The following DOCK9 variants were observed in gnomAD, a reference collection of about 807,000 sequenced individuals.
The protein encoded by DOCK9 is dedicator of cytokinesis protein 9.
Under a neutral mutation model 263.3 loss-of-function variants are expected in DOCK9, and 89 were observed. That is an observed-to-expected ratio of 0.34 (90% confidence interval 0.28 to 0.40). The LOEUF (loss-of-function observed/expected upper bound fraction) is 0.40, where lower values mean the gene tolerates loss of function less well. Ranked by LOEUF, DOCK9 falls within the 10% of genes least tolerant of loss-of-function variation. The pLI is 1.00. For missense variants in DOCK9, 2,140 were observed against 2,603.4 expected, an observed-to-expected ratio of 0.82 and a Z score of 3.87; for synonymous variants, 976 against 973.1, an observed-to-expected ratio of 1.00 and a Z score of -0.06.
intron 9 of DOCK9, among the ~76,000 whole-genome samples, chr13:98,909,093 T>C (rs1437191288): frequency 1.4e-4 from 22 of 152,296 alleles, no homozygotes; most frequent in South Asian, 4.2e-4. Context: ...CAAAGCCCAC[T>C]GACTACTCTG....
intron 1 of DOCK9, among the ~76,000 whole-genome samples, chr13:98,959,020 G>A (rs1447242581): frequency 6.6e-6 from 1 of 152,212 alleles, no homozygotes; most frequent in Non-Finnish European, 1.5e-5. Flanking sequence ...GTGTGACAAA[G>A]TGTAACTTTC....
intron 1 of DOCK9, among the ~76,000 whole-genome samples, chr13:99,067,188 C>T (rs1020797754): frequency 2.0e-5 from 3 of 152,196 alleles, no homozygotes; most frequent in Non-Finnish European, 4.4e-5. Flanking sequence ...AGATTCCATG[C>T]TCCTTGAGGA....
At chr13:99,079,040 A>C (rs1433876893) in intron 1 of DOCK9, among the ~76,000 whole-genome samples, 2 of 152,250 alleles carry the variant, frequency 1.3e-5, no homozygotes, top group Non-Finnish European at 2.9e-5. Context: ...AAAGAAAAAT[A>C]ATTTTATGAC....
rs1595997287 is a variant in DOCK9 at position 99,055,302 on chromosome 13, G to A, written c.129+30921C>T. Reference sequence around the variant, plus strand: ...GTCCCATTGGAGATTAGCACTAAAGGAACTTTCTACAAACTTTCAAAAACA... The same window carrying A: ...GTCCCATTGGAGATTAGCACTAAAGAAACTTTCTACAAACTTTCAAAAACA... On this transcript the variant is annotated intron_variant, in intron 1 of 32. Transcript: ENST00000427887. Among the ~76,000 whole-genome samples, 3 of 152,138 alleles carry A rather than the reference G, an allele frequency of 2.0e-5. No homozygotes were observed. The East Asian group carries it at 5.8e-4, about 29-fold the overall frequency.
chr13:99,070,483 G>A (rs970410890), intron 1 of DOCK9, among the ~76,000 whole-genome samples: 3 of 151,948 alleles, frequency 2.0e-5, no homozygotes, highest in Non-Finnish European at 2.9e-5. Flanking sequence ...TAATTTTCCT[G>A]TGTTATAAAT....
At chr13:99,021,666 A>G (rs1254984701) in intron 1 of DOCK9, among the ~76,000 whole-genome samples, 1 of 149,442 alleles carries the variant, frequency 6.7e-6, no homozygotes, top group Admixed American at 6.6e-5. Flanking sequence ...AAAGAGGGAA[A>G]TGGGGATGTT....
At chr13:98,906,353 G>A (rs568131002) in intron 9 of DOCK9, among the ~76,000 whole-genome samples, 1 of 152,238 alleles carries the variant, frequency 6.6e-6, no homozygotes, top group East Asian at 1.9e-4. Context: ...GATGAGGGCT[G>A]GAGATGAAGG....
In DOCK9 at chr13:98,881,623, T is replaced by C; in HGVS notation, c.2680A>G (p.Ile894Val). 1 of 1,607,996 alleles carries C rather than the reference T, an allele frequency of 6.2e-7. No individual in the cohort carries two copies. The highest frequency in any genetic ancestry group is 8.5e-7 in the Non-Finnish European group (1 of 1,177,276). Residue 894 changes from isoleucine (I) to valine (V), a missense_variant, in exon 25 of 53, where the codon ATT becomes GTT. Ile to Val is a conservative substitution (Grantham distance 29, BLOSUM62 3). Around this residue, in one of 2 missense-constraint regions of DOCK9, gnomAD observed 1,521 missense variants for 1,741.7 expected, o/e 0.87. Coordinates refer to ENST00000682017, the MANE Select transcript of DOCK9 (RefSeq NM_001366683.2). ...EEVAVNVTRV[I>V]IHVVAQCHEE... ...TGGCACTGGGCAACCACATGAATAATGACCCTACACACCACAGGAGTGAAT... is the reference window on the plus strand; with the variant it reads ...TGGCACTGGGCAACCACATGAATAACGACCCTACACACCACAGGAGTGAAT...
At chr13:98,970,719 T>C (rs1356303751) in intron 1 of DOCK9, among the ~76,000 whole-genome samples, 2 of 152,212 alleles carry the variant, frequency 1.3e-5, no homozygotes, top group Non-Finnish European at 2.9e-5. Flanking sequence ...AGCACTAGTA[T>C]ATCACATTAC....
intron 1 of DOCK9, among the ~76,000 whole-genome samples, chr13:99,013,357 C>T (rs1371864884): frequency 6.6e-6 from 1 of 152,164 alleles, no homozygotes; most frequent in Non-Finnish European, 1.5e-5. Flanking sequence ...TCAAGCAATC[C>T]TCCTGCCTTG....
At chr13:99,058,632 G>A (rs571368045) in intron 1 of DOCK9, among the ~76,000 whole-genome samples, 3 of 152,024 alleles carry the variant, frequency 2.0e-5, no homozygotes, top group Non-Finnish European at 4.4e-5. Context: ...ATTTACCAAG[G>A]GTTCCCCCCA....
chr13:98,949,010 TA>T (rs1384970853), intron 2 of DOCK9, among the ~76,000 whole-genome samples: 1 of 152,218 alleles, frequency 6.6e-6, no homozygotes. Flanking sequence ...CTGATCTCAA[TA>T]GGGGTGAACA....
At chr13:98,851,111 G>A (rs1443039570) in intron 35 of DOCK9, among the ~76,000 whole-genome samples, 1 of 152,182 alleles carries the variant, frequency 6.6e-6, no homozygotes, top group Non-Finnish European at 1.5e-5. Context: ...TGTACTACGT[G>A]CTCTCACAAT....
At chr13:98,949,888 T>G (rs147073577) in intron 2 of DOCK9, 1 of 482,770 alleles carries the variant, frequency 2.1e-6, no homozygotes, top group Non-Finnish European at 4.1e-6. Context: ...ATTTCATGTA[T>G]GAGGTCTCCC....
intron 30 of DOCK9, among the ~76,000 whole-genome samples, chr13:98,866,346 C>T (rs544096829): frequency 1.4e-4 from 22 of 152,238 alleles, no homozygotes; most frequent in African/African-American, 4.8e-4. Flanking sequence ...GCATGAATGC[C>T]AACTCCAGGG....
intron 1 of DOCK9, among the ~76,000 whole-genome samples, chr13:99,073,337 T>C (rs1315796113): frequency 1.3e-5 from 2 of 150,456 alleles, no homozygotes; most frequent in South Asian, 2.1e-4. Flanking sequence ...TCTCTCTTCT[T>C]TCTCTCCTCT....
At chr13:98,912,245 A>C (rs2050176662) in intron 9 of DOCK9, among the ~76,000 whole-genome samples, 1 of 152,202 alleles carries the variant, frequency 6.6e-6, no homozygotes. Flanking sequence ...GTATAAGTCC[A>C]TTCACAGGAA....
intron 1 of DOCK9, among the ~76,000 whole-genome samples, chr13:98,994,609 T>C (rs771736492): frequency 6.6e-6 from 1 of 152,128 alleles, no homozygotes; most frequent in Non-Finnish European, 1.5e-5. Context: ...TTACATATAA[T>C]TGTGTTACTC....
At chr13:99,057,729 G>C (rs551712332) in intron 1 of DOCK9, among the ~76,000 whole-genome samples, 21 of 152,244 alleles carry the variant, frequency 1.4e-4, no homozygotes, top group African/African-American at 4.8e-4. Context: ...TTAAAGAAAA[G>C]CAATTTCAAA....
Sources: allele counts gnomAD v4.1 joint callset (sites outside exome capture counted in the v4.1 genomes callset), GRCh38; gene constraint gnomAD v4.1.1; regional missense constraint gnomAD v4.1.1; transcripts MANE v1.5; gene names NCBI Gene and HGNC (gene_info 2026-07-23, HGNC 2026-07-21).